The following HOPX variants were observed in gnomAD, a reference collection of about 807,000 sequenced individuals.
The protein encoded by HOPX is homeodomain-only protein.
In HOPX, 5 loss-of-function variants were observed where a neutral mutation model predicts 11.8. The observed-to-expected ratio is 0.43, with a 90% CI of 0.22 to 0.89. The LOEUF is 0.89. Among genes scored for constraint, HOPX ranks in the 40% least tolerant of loss-of-function variants. HOPX has a pLI of 0.28. For synonymous variants in HOPX, 49 were observed against 49.7 expected (o/e 0.99, Z 0.06); for missense variants, 119 against 120.0 (o/e 0.99, Z 0.04).
chr4:56,663,900 A>T (rs1203340296), intron 1 of HOPX: 2 of 152,244 alleles, frequency 1.3e-5, no homozygotes, highest in Non-Finnish European at 2.9e-5. Context: ...TTTTAGAAAC[A>T]TGGCAAAATT....
intron 2 of HOPX, chr4:56,656,288 CTG>C: frequency 8.7e-7 from 1 of 1,143,674 alleles, no homozygotes; most frequent in Non-Finnish European, 1.1e-6. Flanking sequence ...CTTGCAGGAA[CTG>C]TATCCCTGCC....
At chr4:56,653,257 ATG>A (rs1717381633) in intron 3 of HOPX, among the ~76,000 whole-genome samples, 1 of 151,900 alleles carries the variant, frequency 6.6e-6, no homozygotes. Context: ...GCGTCTTGCC[ATG>A]TTGCCCAGGC....
At chr4:56,650,662 A>G (rs1473918525) in intron 3 of HOPX, 4 of 1,551,328 alleles carry the variant, frequency 2.6e-6, no homozygotes, top group Admixed American at 2.0e-5. Flanking sequence ...TCCTTTACAC[A>G]GTTGTCAAGA....
At position 56,655,791 on chromosome 4, in the gene HOPX, G is replaced by C. The variant is rs533074989; in HGVS notation, c.198+66C>G. The C allele has an allele frequency of 1.1e-5, 16 of 1,515,476 alleles. No individual in the cohort carries two copies. The Admixed American group carries it at 1.3e-4, about 13-fold the overall frequency. The allele number at this position is 1,515,476 out of a possible 1,614,324, so 93.9% of individuals were successfully genotyped here. On this transcript the variant is annotated intron_variant, in intron 3 of 3. Coordinates refer to ENST00000420433, the MANE Select transcript of HOPX (RefSeq NM_032495.6). Reference sequence around the variant, plus strand: ...GCGGGAGGCGCGGACGAACAGGACCGCCCAGCCGCGAGAAGGCTCAGCCCA... The same window carrying C: ...GCGGGAGGCGCGGACGAACAGGACCCCCCAGCCGCGAGAAGGCTCAGCCCA...
rs1231357519 is a variant in HOPX, at chr4:56,656,062, G to A, written c.43-50C>T. ...CGGTGAGCGAGGCGTGGAGCGGGCG[G>A]GACGCAGCGAAGGAAGGCGGTCGCG... On this transcript the variant is annotated intron_variant, in intron 2 of 3. Transcript: ENST00000420433. 5.5e-6 allele frequency: 8 copies of A among 1,461,648 alleles called. No individual in the cohort carries two copies. The South Asian group carries it at 8.0e-5, about 15-fold the overall frequency. The allele number at this position is 1,461,648 out of a possible 1,614,324, so 90.5% of individuals were successfully genotyped here.
chr4:56,665,917 C>T (rs963919681), intron 1 of HOPX, among the ~76,000 whole-genome samples: 5 of 152,096 alleles, frequency 3.3e-5, no homozygotes, highest in Non-Finnish European at 7.4e-5. Context: ...CTCTTTGCAC[C>T]GAACAGTTCT....
At chr4:56,650,569 C>T in intron 3 of HOPX, 2 of 1,174,632 alleles carry the variant, frequency 1.7e-6, no homozygotes, top group South Asian at 2.9e-5. Context: ...GCTTTGGGCT[C>T]CACATCAATG....
chr4:56,651,873 A>AGTGT (rs796685500), intron 3 of HOPX, among the ~76,000 whole-genome samples: 2,067 of 136,686 alleles, frequency 0.015, 25 homozygotes, highest in Admixed American at 0.025. Flanking sequence ...AGAGAGAGAG[A>AGTGT]GTGTGTGTGT....
Position 56,675,730 on chromosome 4 carries a change from G to A in HOPX, c.-84+5525C>T, listed in dbSNP as rs1393043666. ...TTGCCCAGGAAGACAGCAGATACATGCACCTCCTGCACCAGGAGACATGAG... is the reference window on the plus strand; with the variant it reads ...TTGCCCAGGAAGACAGCAGATACATACACCTCCTGCACCAGGAGACATGAG... On this transcript the variant is annotated intron_variant, in intron 1 of 3. Transcript: ENST00000420433. Among the ~76,000 whole-genome samples the A allele has an allele frequency of 2.0e-5, 3 of 151,816 alleles. No homozygotes were observed. The South Asian group carries it at 6.2e-4, about 31-fold the overall frequency.
At chr4:56,651,873 A>AGTGTGTGTGT (rs796685500) in intron 3 of HOPX, among the ~76,000 whole-genome samples, 31 of 136,756 alleles carry the variant, frequency 2.3e-4, no homozygotes, top group Admixed American at 7.4e-4. Flanking sequence ...AGAGAGAGAG[A>AGTGTGTGTGT]GTGTGTGTGT....
In HOPX at chr4:56,676,830, CAGCCACGCCCCTCTTCAGAG is replaced by C. The variant is rs767236858; in HGVS notation, c.-84+4405_-84+4424del. On this transcript the variant is annotated intron_variant, in intron 1 of 3. Coordinates refer to ENST00000420433, the MANE Select transcript of HOPX (RefSeq NM_032495.6). The stretch of plus-strand genomic sequence containing the variant: ...CCAGAAGGGATGTTAATTACACACC[CAGCCACGCCCCTCTTCAGAG>C]ACAGGACTGGCCACAGGCAGCTGCC... Among the ~76,000 whole-genome samples the C allele has an allele frequency of 1.8e-3, 280 of 151,746 alleles. 2 individuals carry two copies. The highest frequency in any genetic ancestry group is 3.2e-3 in the Admixed American group (49 of 15,294).
At chr4:56,681,406 C>T, upstream of HOPX, 2 of 985,630 alleles carry the variant, frequency 2.0e-6, no homozygotes, top group African/African-American at 1.7e-5. Flanking sequence ...ACCTGAAAAA[C>T]CTGCAGCGTG....
intron 1 of HOPX, chr4:56,665,284 T>G (rs1336862188): frequency 3.3e-5 from 5 of 152,218 alleles, no homozygotes; most frequent in African/African-American, 4.8e-5. Context: ...AATTTGTTCA[T>G]AAGCCTGTCT....
intron 2 of HOPX, 129 bp from the exon 3 acceptor site, chr4:56,656,141 G>T: frequency 8.4e-7 from 1 of 1,187,726 alleles, no homozygotes; most frequent in Non-Finnish European, 1.1e-6. Flanking sequence ...TGCCACGGCC[G>T]CGCAAGTCCC....
chr4:56,672,394 C>T (rs1051085942), intron 1 of HOPX, among the ~76,000 whole-genome samples: 1 of 151,750 alleles, frequency 6.6e-6, no homozygotes, highest in Non-Finnish European at 1.5e-5. Flanking sequence ...CAAAAATTAG[C>T]CAGGCATGGT....
At chr4:56,673,886 G>A (rs1211641185) in intron 1 of HOPX, among the ~76,000 whole-genome samples, 1 of 151,562 alleles carries the variant, frequency 6.6e-6, no homozygotes, top group African/African-American at 2.4e-5. Context: ...TGGATTTTTA[G>A]TAGAGACGGG....
At chr4:56,661,594 C>G (rs970444791) in intron 1 of HOPX, among the ~76,000 whole-genome samples, 3 of 152,230 alleles carry the variant, frequency 2.0e-5, no homozygotes, top group Non-Finnish European at 2.9e-5. Context: ...TTCCTTTGCT[C>G]CAAATCCTCA....
rs538251717 is a variant in HOPX at position 56,656,317 on chromosome 4, T to C, written c.43-305A>G. The C allele has an allele frequency of 9.4e-5, 103 of 1,093,824 alleles. No homozygotes were observed. The South Asian group carries it at 1.9e-3, about 20-fold the overall frequency. 67.8% of individuals were successfully genotyped at this position (1,093,824 alleles called of 1,614,324 possible). ...ATCCCTGCCTGCGACGGGGGCGAGATAGATGATTCCGCGGGCCCTCACCGA... is the reference window on the plus strand; with the variant it reads ...ATCCCTGCCTGCGACGGGGGCGAGACAGATGATTCCGCGGGCCCTCACCGA... On this transcript the variant is annotated intron_variant, in intron 2 of 3. Coordinates refer to ENST00000420433, the MANE Select transcript of HOPX (RefSeq NM_032495.6).
intron 1 of HOPX, chr4:56,663,071 C>T (rs1169273613): frequency 1.3e-5 from 2 of 152,174 alleles, no homozygotes; most frequent in Admixed American, 1.3e-4. Flanking sequence ...TCTCTCCTTT[C>T]AAGTTTTGTT....
Sources: gnomAD v4.1 joint callset for allele counts (sites outside exome capture counted in the v4.1 genomes callset) on GRCh38, gnomAD v4.1.1 for gene constraint, MANE v1.5 for transcripts, NCBI Gene and HGNC (gene_info 2026-07-23, HGNC 2026-07-21) for gene names.